SLC12A8: variants seen among roughly 807,000 people sequenced by gnomAD.
SLC12A8 encodes the protein cation-chloride cotransporter 9.
A neutral mutation model predicts 75.6 loss-of-function variants in SLC12A8; 69 were observed. The ratio of observed to expected loss-of-function variants is 0.91; its 90% CI spans 0.75 to 1.11. The LOEUF (loss-of-function observed/expected upper bound fraction) is 1.11, where lower values mean the gene tolerates loss of function less well. Ranked by LOEUF, SLC12A8 falls within the 50% of genes most tolerant of loss-of-function variation. The pLI, the probability that SLC12A8 is intolerant of heterozygous loss-of-function variation, is 0.00. For missense variants in SLC12A8, 877 were observed against 896.7 expected, an observed-to-expected ratio of 0.98 and a Z score of 0.28; for synonymous variants, 365 against 372.8, an observed-to-expected ratio of 0.98 and a Z score of 0.24.
chr3:125,185,055 T>C (rs58404348), intron 4 of SLC12A8, among the ~76,000 whole-genome samples: 9,604 of 152,268 alleles, frequency 0.063, 410 homozygotes, highest in East Asian at 0.2. Flanking sequence ...GCACAGTGGC[T>C]TACGCCTGTA....
At chr3:125,156,951 C>G (rs1012800592) in intron 5 of SLC12A8, among the ~76,000 whole-genome samples, 1 of 152,122 alleles carries the variant, frequency 6.6e-6, no homozygotes, top group Admixed American at 6.5e-5. Flanking sequence ...AAACTTATTT[C>G]TGGTTATTTT....
At chr3:125,174,327 C>T (rs1471195879) in intron 5 of SLC12A8, among the ~76,000 whole-genome samples, 1 of 152,102 alleles carries the variant, frequency 6.6e-6, no homozygotes, top group African/African-American at 2.4e-5. Context: ...AACAAAAAAA[C>T]TGACAATACC....
rs1223962409 is a variant in SLC12A8 at position 125,177,787 on chromosome 3, G to T, written c.578C>A (p.Ser193Tyr). The change falls in exon 5 of 14, where the codon TCC (serine) becomes TAC (tyrosine). Residue 193 changes from serine (S) to tyrosine (Y), a missense_variant. Ser to Tyr is a moderately radical substitution (Grantham distance 144). Transcript: ENST00000469902. ...AGAACCCACCACAAAGTCCAGTGTG[G>T]ACACGGCCAGCAGGAACAGCAACAG... ...QLLLLFLLAVSTLDFVVGSFT... is the reference protein window; with the variant it reads ...QLLLLFLLAVYTLDFVVGSFT... The T allele has an allele frequency of 6.2e-7, 1 of 1,614,194 alleles. No individual in the cohort carries two copies. Among genetic ancestry groups the T allele is most frequent in the African/African-American group, 1.3e-5 (1 of 75,042 alleles).
At chr3:125,169,574 G>A (rs370608508) in intron 5 of SLC12A8, among the ~76,000 whole-genome samples, 7 of 152,152 alleles carry the variant, frequency 4.6e-5, no homozygotes, top group Admixed American at 1.3e-4. Flanking sequence ...AGCATCTGAC[G>A]AATGACACTC....
intron 2 of SLC12A8, among the ~76,000 whole-genome samples, chr3:125,195,466 C>T (rs1021738078): frequency 6.6e-6 from 1 of 152,154 alleles, no homozygotes; most frequent in African/African-American, 2.4e-5. Context: ...TGGGCAGCAC[C>T]CTTGGTCTGT....
In SLC12A8 at chr3:125,185,188, C is replaced by A. The variant is rs537871758; in HGVS notation, c.390+2049G>T. Among the ~76,000 whole-genome samples, 4 of 151,984 alleles carry A rather than the reference C, an allele frequency of 2.6e-5. No individual in the cohort carries two copies. In the East Asian group the frequency reaches 7.7e-4, roughly 29 times the overall value. The stretch of plus-strand genomic sequence containing the variant: ...ATACAAAGTTAGCCGGGTGTGGTGG[C>A]GCATGCCTGTAACCCCAGCTACTCG... On this transcript the variant is annotated intron_variant, in intron 4 of 13. Coordinates refer to ENST00000469902, the MANE Select transcript of SLC12A8 (RefSeq NM_024628.6).
intron 5 of SLC12A8, among the ~76,000 whole-genome samples, chr3:125,155,795 C>A: frequency 7.9e-6 from 1 of 126,558 alleles, no homozygotes; most frequent in Admixed American, 8.5e-5. Context: ...GGACTAAGAG[C>A]AGGGTAACAG....
At chr3:125,143,817 G>A (rs1190730110) in intron 5 of SLC12A8, among the ~76,000 whole-genome samples, 1 of 152,186 alleles carries the variant, frequency 6.6e-6, no homozygotes, top group Non-Finnish European at 1.5e-5. Flanking sequence ...CCCTGGCCTG[G>A]GAGGGAAGGG....
intron 5 of SLC12A8, among the ~76,000 whole-genome samples, chr3:125,167,004 C>T (rs1934305283): frequency 6.6e-6 from 1 of 152,162 alleles, no homozygotes; most frequent in South Asian, 2.1e-4. Context: ...TAAACTGCAT[C>T]TGTAATGCTT....
rs770574260 is a variant in SLC12A8 at position 125,177,837 on chromosome 3, G to T, written c.528C>A (p.Val176=). The T allele has an allele frequency of 6.2e-7, 1 of 1,614,152 alleles. No individual in the cohort carries two copies. Among genetic ancestry groups the T allele is most frequent in the East Asian group, 2.2e-5 (1 of 44,876 alleles). Residue 176 remains valine (V), a synonymous_variant, in exon 5 of 14, where the codon GTC becomes GTA. Transcript: ENST00000469902. ...LALLGINLAG[V]KWIIRLQLLL... ...GCAGCTGGAGGCGGATTATCCATTT[G>T]ACACCTGCGAGGTTAATGCCCAGCA...
At chr3:125,115,393 T>C (rs1939284534) in intron 8 of SLC12A8, among the ~76,000 whole-genome samples, 1 of 152,044 alleles carries the variant, frequency 6.6e-6, no homozygotes, top group Non-Finnish European at 1.5e-5. Flanking sequence ...CATGGTGGCA[T>C]GTGCCTGTAA....
intron 4 of SLC12A8, among the ~76,000 whole-genome samples, chr3:125,179,263 T>G (rs1310894039): frequency 6.6e-6 from 1 of 152,220 alleles, no homozygotes; most frequent in Non-Finnish European, 1.5e-5. Flanking sequence ...TGGTTCCATA[T>G]TCTATTATCA....
At chr3:125,211,916 GAGA>G (rs1468148216) in intron 1 of SLC12A8, among the ~76,000 whole-genome samples, 4 of 152,150 alleles carry the variant, frequency 2.6e-5, no homozygotes, top group Non-Finnish European at 4.4e-5. Context: ...GAGGGTGAGT[GAGA>G]AAAGGCTGGA....
intron 1 of SLC12A8, among the ~76,000 whole-genome samples, chr3:125,212,343 C>T (rs1238299579): frequency 6.6e-6 from 1 of 152,164 alleles, no homozygotes; most frequent in African/African-American, 2.4e-5. Flanking sequence ...GCCCGCGCCG[C>T]ACAGAGCAAG....
intron 5 of SLC12A8, among the ~76,000 whole-genome samples, chr3:125,137,984 G>T (rs1405909996): frequency 2.6e-5 from 4 of 151,622 alleles, no homozygotes; most frequent in African/African-American, 9.7e-5. Flanking sequence ...CACTACTGCT[G>T]GCCCAGCCTG....
chr3:125,143,446 G>A (rs1036226224), intron 5 of SLC12A8, among the ~76,000 whole-genome samples: 6 of 152,336 alleles, frequency 3.9e-5, no homozygotes, highest in East Asian at 1.9e-4. Context: ...AGTCTTCCTC[G>A]GACCACAGTC....
chr3:125,164,013 T>C (rs1280622260), intron 5 of SLC12A8, among the ~76,000 whole-genome samples: 3 of 152,184 alleles, frequency 2.0e-5, no homozygotes, highest in Admixed American at 6.5e-5. Flanking sequence ...TGGGGAGGTA[T>C]GTTTTAGCCG....
chr3:125,157,105 T>C (rs1934066759), intron 5 of SLC12A8, among the ~76,000 whole-genome samples: 6 of 151,930 alleles, frequency 3.9e-5, no homozygotes, highest in Admixed American at 3.9e-4. Context: ...TTATATACTA[T>C]GTGAGCTCAA....
chr3:125,187,211 G>T (rs1367464518), intron 4 of SLC12A8, 26 bp downstream of exon 4: 3 of 1,604,952 alleles, frequency 1.9e-6, no homozygotes, highest in Non-Finnish European at 2.6e-6. Flanking sequence ...GCCAGGCAGG[G>T]GAAGCATCCC....
Sources: allele counts gnomAD v4.1 joint callset (sites outside exome capture counted in the v4.1 genomes callset), GRCh38; gene constraint gnomAD v4.1.1; transcripts MANE v1.5; gene names NCBI Gene and HGNC (gene_info 2026-07-23, HGNC 2026-07-21).